The following PLD1 variants were observed in gnomAD, a reference collection of about 807,000 sequenced individuals.
PLD1 encodes phospholipase D1.
A neutral mutation model predicts 137.1 loss-of-function variants in PLD1; 112 were observed. The ratio of observed to expected loss-of-function variants is 0.82; its 90% CI spans 0.70 to 0.96. The LOEUF (loss-of-function observed/expected upper bound fraction) is 0.96. PLD1 is among the 40% of genes least tolerant of loss of function. The pLI is 0.00. For missense variants in PLD1, 1,321 were observed against 1,342.0 expected (o/e 0.98, Z 0.24); for synonymous variants, 431 against 454.7 (o/e 0.95, Z 0.66).
chr3:171,636,468 C>T (rs1013141062), intron 23 of PLD1, among the ~76,000 whole-genome samples: 37 of 152,066 alleles, frequency 2.4e-4, no homozygotes, highest in African/African-American at 7.0e-4. Flanking sequence ...TTATTTTCAG[C>T]GTAGGTATCT....
intron 1 of PLD1, among the ~76,000 whole-genome samples, chr3:171,761,421 C>T (rs955072372): frequency 2.0e-5 from 3 of 152,174 alleles, no homozygotes; most frequent in African/African-American, 4.8e-5. Context: ...AGAAAACACA[C>T]GCTGGCATCT....
At chr3:171,774,853 G>A (rs1249078907) in intron 1 of PLD1, among the ~76,000 whole-genome samples, 1 of 152,180 alleles carries the variant, frequency 6.6e-6, no homozygotes, top group Non-Finnish European at 1.5e-5. Context: ...AGTTCACTGA[G>A]GGAGGCTGGG....
intron 1 of PLD1, among the ~76,000 whole-genome samples, chr3:171,775,715 CAT>C (rs1489879539): frequency 1.4e-4 from 21 of 152,074 alleles, no homozygotes; most frequent in Non-Finnish European, 2.4e-4. Context: ...TGGTGGCACA[CAT>C]CTGTAATCCC....
chr3:171,762,874 T>G (rs1721503413), intron 1 of PLD1, among the ~76,000 whole-genome samples: 1 of 152,154 alleles, frequency 6.6e-6, no homozygotes, highest in Non-Finnish European at 1.5e-5. Flanking sequence ...AATTTCAGTT[T>G]AACATGTGTG....
At chr3:171,735,420 G>A (rs756627872) in intron 4 of PLD1, 72 bp downstream of exon 4, 41 of 1,282,510 alleles carry the variant, frequency 3.2e-5, no homozygotes, top group Middle Eastern at 1.9e-4. Flanking sequence ...ACAGGTGTGA[G>A]CTACCACACC....
At chr3:171,619,363 G>C (rs73038048) in intron 24 of PLD1, among the ~76,000 whole-genome samples, 4,525 of 152,146 alleles carry the variant, frequency 0.03, 160 homozygotes, top group African/African-American at 0.084. Context: ...ATCTAATTTG[G>C]GTAGAATGTA....
intron 12 of PLD1, among the ~76,000 whole-genome samples, chr3:171,694,926 T>C (rs908345063): frequency 1.3e-5 from 2 of 152,226 alleles, no homozygotes; most frequent in African/African-American, 4.8e-5. Flanking sequence ...TTTGTCTTTT[T>C]AGCTTAAAGA....
At chr3:171,786,651 T>G (rs1193154680) in intron 1 of PLD1, among the ~76,000 whole-genome samples, 1 of 152,234 alleles carries the variant, frequency 6.6e-6, no homozygotes, top group Non-Finnish European at 1.5e-5. Flanking sequence ...GCAACATTAC[T>G]GTTCGGGATG....
intron 19 of PLD1, among the ~76,000 whole-genome samples, chr3:171,666,599 C>T (rs1712175133): frequency 6.6e-6 from 1 of 152,164 alleles, no homozygotes; most frequent in East Asian, 1.9e-4. Flanking sequence ...ACTGAGATTT[C>T]CTTTTGTTTT....
chr3:171,732,050 A>C (rs142829265), intron 6 of PLD1, among the ~76,000 whole-genome samples: 44 of 152,344 alleles, frequency 2.9e-4, no homozygotes, highest in African/African-American at 1.0e-3. Flanking sequence ...AGAAATAGTA[A>C]AAGTAAAGTC....
At chr3:171,785,037 A>G (rs1277931682) in intron 1 of PLD1, among the ~76,000 whole-genome samples, 1 of 152,244 alleles carries the variant, frequency 6.6e-6, no homozygotes, top group Non-Finnish European at 1.5e-5. Flanking sequence ...CTGTCTCTGA[A>G]GTACAGACAG....
At chr3:171,629,582 T>C (rs1191508725) in intron 23 of PLD1, among the ~76,000 whole-genome samples, 2 of 152,164 alleles carry the variant, frequency 1.3e-5, no homozygotes, top group African/African-American at 2.4e-5. Context: ...AGAACAAAGC[T>C]GGAGGCATCA....
chr3:171,786,891 C>A (rs1453423986), intron 1 of PLD1, among the ~76,000 whole-genome samples: 1 of 152,164 alleles, frequency 6.6e-6, no homozygotes, highest in South Asian at 2.1e-4. Context: ...TCTTTCAATA[C>A]GTGCAGTGCC....
At chr3:171,751,619 G>A (rs925472213) in intron 1 of PLD1, among the ~76,000 whole-genome samples, 4 of 152,120 alleles carry the variant, frequency 2.6e-5, no homozygotes, top group African/African-American at 7.2e-5. Context: ...TCATTGGATC[G>A]GAAAATTTTT....
chr3:171,603,329 A>G, intron 26 of PLD1, 27 bp from the exon 27 acceptor site: 1 of 1,547,998 alleles, frequency 6.5e-7, no homozygotes, highest in Non-Finnish European at 8.9e-7. Context: ...TAGAAAAATG[A>G]GTGAAAAGTT....
intron 1 of PLD1, among the ~76,000 whole-genome samples, chr3:171,754,719 A>G (rs906266399): frequency 3.3e-5 from 5 of 152,140 alleles, no homozygotes; most frequent in Non-Finnish European, 5.9e-5. Context: ...TAACACTTCC[A>G]TTTTTCTCCA....
chr3:171,685,849 T>C lies in PLD1; in HGVS notation c.1867+836A>G, dbSNP rs989483514. The stretch of plus-strand genomic sequence containing the variant: ...AAGATTTTTAACTGGCCAGGAGCGG[T>C]GGCTCACACCTGTAATCCCAGCACT... On this transcript the variant is annotated intron_variant, in intron 16 of 26. Coordinates refer to ENST00000351298, the MANE Select transcript of PLD1 (RefSeq NM_002662.5). Among the ~76,000 whole-genome samples, 52 of 152,160 alleles carry C rather than the reference T, an allele frequency of 3.4e-4. 1 individual carries two copies.
intron 1 of PLD1, among the ~76,000 whole-genome samples, chr3:171,753,526 T>C (rs1445477834): frequency 3.3e-5 from 5 of 152,238 alleles, no homozygotes; most frequent in African/African-American, 1.2e-4. Context: ...CTGAGCACCA[T>C]GCTAGGCACT....
chr3:171,618,504 T>G (rs1480449812), intron 24 of PLD1, among the ~76,000 whole-genome samples: 1 of 152,236 alleles, frequency 6.6e-6, no homozygotes, highest in Non-Finnish European at 1.5e-5. Context: ...CATCAATAGT[T>G]TTTATTTCTT....
Sources: allele counts gnomAD v4.1 joint callset (sites outside exome capture counted in the v4.1 genomes callset), GRCh38; gene constraint gnomAD v4.1.1; transcripts MANE v1.5; gene names NCBI Gene and HGNC (gene_info 2026-07-23, HGNC 2026-07-21).